Variants in SLC25A13 observed in about 807,000 individuals in gnomAD.
SLC25A13 encodes the protein solute carrier family 25 member 13.
Under a neutral mutation model 85.5 loss-of-function variants are expected in SLC25A13, and 70 were observed. That is an observed-to-expected ratio of 0.82 (90% CI 0.68 to 1.00). The LOEUF is 1.00. Ranked by LOEUF, SLC25A13 falls within the 50% of genes least tolerant of loss-of-function variation. The pLI, the probability that SLC25A13 is intolerant of heterozygous loss-of-function variation, is 0.00. For missense variants in SLC25A13, 765 were observed against 819.8 expected (o/e 0.93, Z 0.82); for synonymous variants, 259 against 288.7 (o/e 0.90, Z 1.04).
intron 5 of SLC25A13, among the ~76,000 whole-genome samples, chr7:96,205,968 G>C (rs1795445710): frequency 6.7e-6 from 1 of 150,172 alleles, no homozygotes; most frequent in Admixed American, 6.6e-5. Context: ...AGGAACTGCA[G>C]AGAACTGCAC....
intron 2 of SLC25A13, among the ~76,000 whole-genome samples, chr7:96,292,509 T>C (rs1400202875): frequency 1.3e-5 from 2 of 152,204 alleles, no homozygotes; most frequent in Non-Finnish European, 2.9e-5. Context: ...GCAGATGACA[T>C]GATTGTATAT....
intron 3 of SLC25A13, among the ~76,000 whole-genome samples, chr7:96,244,913 A>G (rs1797127814): frequency 6.6e-6 from 1 of 152,218 alleles, no homozygotes; most frequent in Admixed American, 6.5e-5. Context: ...TTTGGCCTAT[A>G]AATATCACCT....
chr7:96,130,000 GAAT>G (rs1445944230), intron 15 of SLC25A13, among the ~76,000 whole-genome samples: 5 of 152,036 alleles, frequency 3.3e-5, no homozygotes, highest in Non-Finnish European at 7.4e-5. Flanking sequence ...GTGAAATAAT[GAAT>G]AATATTTTTG....
chr7:96,180,449 C>A (rs1794378806), intron 11 of SLC25A13, among the ~76,000 whole-genome samples: 1 of 152,152 alleles, frequency 6.6e-6, no homozygotes, highest in African/African-American at 2.4e-5. Context: ...GATTCTCCTG[C>A]CTCAGCCTGT....
intron 1 of SLC25A13, among the ~76,000 whole-genome samples, chr7:96,307,141 A>T (rs557960026): frequency 5.1e-5 from 1 of 19,570 alleles, no homozygotes; most frequent in East Asian, 6.7e-4. Flanking sequence ...TTTGTAATTT[A>T]AAAAAAAAAA....
chr7:96,176,304 T>C (rs1048234234), intron 11 of SLC25A13, among the ~76,000 whole-genome samples: 1 of 152,244 alleles, frequency 6.6e-6, no homozygotes, highest in Non-Finnish European at 1.5e-5. Context: ...GTCCTGGAAA[T>C]TCACTTTAAC....
intron 14 of SLC25A13, among the ~76,000 whole-genome samples, chr7:96,143,350 T>A (rs1266296436): frequency 1.3e-5 from 2 of 152,238 alleles, no homozygotes; most frequent in African/African-American, 4.8e-5. Flanking sequence ...ATTTGACTTT[T>A]ATTTTTATGC....
At chr7:96,298,193 T>TGAGC (rs1799421364) in intron 1 of SLC25A13, among the ~76,000 whole-genome samples, 1 of 152,332 alleles carries the variant, frequency 6.6e-6, no homozygotes, top group African/African-American at 2.4e-5. Flanking sequence ...ATCCCTTCTG[T>TGAGC]GAGCTAGTGA....
Position 96,121,748 on chromosome 7 carries a change from T to TA in SLC25A13, c.1751-4_1751-3insT, listed in dbSNP as rs765170811. ...GGGTGAGGATCGAAATACACGAGCT[T>TA]TAAAAAAATGGAGAAATCACAGATA... is the stretch of plus-strand genomic sequence containing the variant. On this transcript the variant is annotated splice_polypyrimidine_tract_variant and splice_region_variant and intron_variant, in intron 16 of 17. Coordinates refer to ENST00000265631, the MANE Select transcript of SLC25A13 (RefSeq NM_014251.3). The TA allele has an allele frequency of 2.0e-5, 32 of 1,614,120 alleles. No individual in the cohort carries two copies. In the Middle Eastern group the frequency reaches 4.0e-3, roughly 200 times the overall value.
intron 11 of SLC25A13, among the ~76,000 whole-genome samples, chr7:96,179,400 T>C (rs1165429863): frequency 6.6e-6 from 1 of 152,234 alleles, no homozygotes; most frequent in Non-Finnish European, 1.5e-5. Context: ...TCTATCTTTT[T>C]GTCATATTTT....
At chr7:96,148,309 G>A (rs192533816) in intron 13 of SLC25A13, among the ~76,000 whole-genome samples, 12 of 152,226 alleles carry the variant, frequency 7.9e-5, no homozygotes, top group Admixed American at 5.2e-4. Flanking sequence ...GCTGCTCCCC[G>A]CCCTACTGCT....
rs764469866 is a variant in SLC25A13, at chr7:96,296,994, T to C, written c.16-43A>G. 4 of 1,531,804 alleles carry C rather than the reference T, an allele frequency of 2.6e-6. No homozygotes were observed. In the South Asian group the frequency reaches 4.6e-5, roughly 17 times the overall value. 94.9% of individuals were successfully genotyped at this position (1,531,804 alleles called of 1,614,324 possible). ...AATGTTTATGTTATTACAACAAAGC[T>C]GAGAAATCAAGCTAGCCGACTAAAG... On this transcript the variant is annotated intron_variant, in intron 1 of 17. Transcript: ENST00000265631.
rs199669631 is a variant in SLC25A13, at chr7:96,180,342, C to CT, written c.1177+3934dup. ...TTCTGATAGACCCTGATTTCTATCT[C>CT]TTTTTTTTTCTAAATTGAGACAGAG... On this transcript the variant is annotated intron_variant, in intron 11 of 17. Transcript: ENST00000265631. Among the ~76,000 whole-genome samples, 57 of 151,824 alleles carry CT rather than the reference C, an allele frequency of 3.8e-4. No homozygotes were observed. In the East Asian group the frequency reaches 5.8e-3, roughly 15 times the overall value.
chr7:96,321,442 A>T (rs1225098287), intron 1 of SLC25A13, among the ~76,000 whole-genome samples: 2 of 152,186 alleles, frequency 1.3e-5, no homozygotes, highest in Admixed American at 6.5e-5. Flanking sequence ...AGTTTCCAAA[A>T]CGGAAGTCAA....
chr7:96,185,035 G>A, intron 9 of SLC25A13, 24 bp from the exon 10 acceptor site: 1 of 1,593,814 alleles, frequency 6.3e-7, no homozygotes, highest in Non-Finnish European at 8.6e-7. Flanking sequence ...ACAGGAATCA[G>A]AGAGCAGGAA....
At chr7:96,210,787 C>T (rs1281968182) in intron 4 of SLC25A13, among the ~76,000 whole-genome samples, 1 of 151,992 alleles carries the variant, frequency 6.6e-6, no homozygotes, top group East Asian at 1.9e-4. Context: ...AAAAAATTCA[C>T]ACTGTAAATA....
At chr7:96,269,541 A>C (rs1422428454) in intron 3 of SLC25A13, among the ~76,000 whole-genome samples, 1 of 152,246 alleles carries the variant, frequency 6.6e-6, no homozygotes, top group Non-Finnish European at 1.5e-5. Context: ...AATTCTTCAC[A>C]ACTATAAGCT....
intron 15 of SLC25A13, among the ~76,000 whole-genome samples, chr7:96,123,184 T>G (rs1791586470): frequency 6.6e-6 from 1 of 152,206 alleles, no homozygotes; most frequent in Non-Finnish European, 1.5e-5. Flanking sequence ...AAGCTCACTT[T>G]ATATCCAGTG....
intron 3 of SLC25A13, among the ~76,000 whole-genome samples, chr7:96,237,629 C>G (rs1192053897): frequency 6.6e-6 from 1 of 152,124 alleles, no homozygotes; most frequent in East Asian, 1.9e-4. Context: ...ATGTGGGAGA[C>G]AGCCTGGCAG....
Sources: allele counts gnomAD v4.1 joint callset (sites outside exome capture counted in the v4.1 genomes callset), GRCh38; gene constraint gnomAD v4.1.1; transcripts MANE v1.5; gene names NCBI Gene and HGNC (gene_info 2026-07-23, HGNC 2026-07-21).